NBAS: variants seen among roughly 807,000 people sequenced by gnomAD.
The protein encoded by NBAS is NAG/BC035112 fusion.
NBAS carries 219 observed loss-of-function variants against 302.5 expected under a neutral mutation model. The observed-to-expected ratio is 0.72, with a 90% confidence interval of 0.65 to 0.81. The LOEUF (loss-of-function observed/expected upper bound fraction) is 0.81. NBAS is among the 30% of genes least tolerant of loss of function. The probability of loss-of-function intolerance (pLI) is 0.00; values close to 1 mark genes in which losing one functional copy is unlikely to be tolerated. For synonymous variants in NBAS, 1,118 were observed against 1,021.6 expected (o/e 1.09, Z -1.80); for missense variants, 2,932 against 2,841.6 (o/e 1.03, Z -0.72).
the NBAS span, among the ~76,000 whole-genome samples, chr2:14,990,293 G>A: frequency 6.6e-6 from 1 of 150,830 alleles, no homozygotes; most frequent in Non-Finnish European, 1.5e-5. Flanking sequence ...GCATGGTGGT[G>A]CACGCCTGTA....
At chr2:15,305,554 C>T (rs757181066) in intron 40 of NBAS, among the ~76,000 whole-genome samples, 1 of 150,978 alleles carries the variant, frequency 6.6e-6, no homozygotes, top group Non-Finnish European at 1.5e-5. Context: ...CAGATTCAAG[C>T]GATTCGCCTG....
chr2:15,194,563 C>T (rs1388988868), intron 48 of NBAS, among the ~76,000 whole-genome samples: 1 of 152,104 alleles, frequency 6.6e-6, no homozygotes, highest in Non-Finnish European at 1.5e-5. Context: ...CAAAGTTCTT[C>T]TTTCTTAAAG....
chr2:15,467,735 C>T lies in NBAS; in HGVS notation c.1947G>A (p.Glu649=), dbSNP rs771166754. 2.1e-5 allele frequency: 34 copies of T among 1,607,550 alleles called. No homozygotes were observed. Among genetic ancestry groups the T allele is most frequent in the Non-Finnish European group, 2.9e-5 (34 of 1,174,476 alleles). The change falls in exon 18 of 52, where the codon GAG becomes GAA. Residue 649 remains glutamate (E), a synonymous_variant. Coordinates refer to ENST00000281513, the MANE Select transcript of NBAS (RefSeq NM_015909.4). ...CCTTTTCCTTTTTATTCTTGGCAGGCTCTTCATCAGGTGGTGAAAGCTCTT... is the reference window on the plus strand; with the variant it reads ...CCTTTTCCTTTTTATTCTTGGCAGGTTCTTCATCAGGTGGTGAAAGCTCTT... ...SYEELSPPDE[E]PAKNKKEKEL... is the part of the protein sequence containing the mutation.
At chr2:14,840,159 G>T in the NBAS span, among the ~76,000 whole-genome samples, 2 of 151,564 alleles carry the variant, frequency 1.3e-5, no homozygotes, top group African/African-American at 4.8e-5. Flanking sequence ...TTAATTAGAG[G>T]CTCTCAGAAG....
intron 21 of NBAS, among the ~76,000 whole-genome samples, chr2:15,443,452 AC>A (rs1406343373): frequency 4.6e-5 from 7 of 152,002 alleles, no homozygotes; most frequent in African/African-American, 1.7e-4. Context: ...AAATTCAACA[AC>A]CCTTCATGCT....
chr2:15,497,043 A>G (rs1681099308), intron 11 of NBAS, among the ~76,000 whole-genome samples: 1 of 151,676 alleles, frequency 6.6e-6, no homozygotes, highest in Admixed American at 6.6e-5. Flanking sequence ...TTCCCAATAG[A>G]AAAAAAATGG....
chr2:15,323,314 T>C (rs1403676977), intron 38 of NBAS, among the ~76,000 whole-genome samples: 1 of 151,956 alleles, frequency 6.6e-6, no homozygotes, highest in East Asian at 1.9e-4. Flanking sequence ...CCTCACAGCT[T>C]TGAGGAAAAA....
chr2:14,940,143 A>G, the NBAS span, among the ~76,000 whole-genome samples: 1 of 152,234 alleles, frequency 6.6e-6, no homozygotes, highest in East Asian at 1.9e-4. Flanking sequence ...TCAGTTTGGA[A>G]TCTCTGATCT....
intron 12 of NBAS, among the ~76,000 whole-genome samples, chr2:15,486,259 A>G (rs987345090): frequency 1.3e-5 from 2 of 152,150 alleles, no homozygotes; most frequent in African/African-American, 4.8e-5. Context: ...CCCAAAATCT[A>G]TTTTTCCAGT....
chr2:15,460,818 G>A (rs1294794679), intron 21 of NBAS, among the ~76,000 whole-genome samples: 2 of 152,180 alleles, frequency 1.3e-5, no homozygotes, highest in African/African-American at 4.8e-5. Flanking sequence ...GAGCAAAGGA[G>A]GATGCAGTAT....
Position 15,475,789 on chromosome 2 carries a change from T to G in NBAS, c.1239A>C (p.Ser413=). Residue 413 remains serine (S), a synonymous_variant, in exon 14 of 52, where the codon TCA becomes TCC. Transcript: ENST00000281513. Reference sequence around the variant, plus strand: ...GTAAATTCTTCAAAGTTTTCACAGATGAAACAGTTAAAGCACCAGAGCATC... The same window carrying G: ...GTAAATTCTTCAAAGTTTTCACAGAGGAAACAGTTAAAGCACCAGAGCATC... The part of the protein sequence containing the change: ...LARCSGALTV[S]SVKTLKNLLG... 6.2e-7 allele frequency: 1 copy of G among 1,614,094 alleles called. No individual in the cohort carries two copies. Among genetic ancestry groups the G allele is most frequent in the Non-Finnish European group, 8.5e-7 (1 of 1,179,978 alleles).
chr2:15,002,800 G>C, the NBAS span, among the ~76,000 whole-genome samples: 1 of 152,350 alleles, frequency 6.6e-6, no homozygotes, highest in African/African-American at 2.4e-5. Context: ...TCATTGCCCA[G>C]GGCCGGCAGG....
chr2:15,393,319 T>C (rs893793489), intron 28 of NBAS, among the ~76,000 whole-genome samples: 1 of 152,018 alleles, frequency 6.6e-6, no homozygotes, highest in African/African-American at 2.4e-5. Context: ...AAAGGACTTA[T>C]ATCTAGAATA....
At chr2:15,076,859 T>A in the NBAS span, among the ~76,000 whole-genome samples, 1 of 151,892 alleles carries the variant, frequency 6.6e-6, no homozygotes, top group Admixed American at 6.6e-5. Flanking sequence ...CAGCTCAGAG[T>A]TTTCAACTGG....
the NBAS span, among the ~76,000 whole-genome samples, chr2:15,119,458 A>C: frequency 6.6e-6 from 1 of 151,842 alleles, no homozygotes; most frequent in East Asian, 1.9e-4. Flanking sequence ...CTCCTGCCTC[A>C]GTCTCCTGAG....
chr2:14,819,189 A>T, the NBAS span, among the ~76,000 whole-genome samples: 22 of 152,354 alleles, frequency 1.4e-4, no homozygotes, highest in Non-Finnish European at 2.6e-4. Flanking sequence ...GATGCTATCT[A>T]AGTTCCTGGG....
At chr2:15,218,709 T>G in intron 48 of NBAS, 64 bp downstream of exon 48, 14 of 1,607,382 alleles carry the variant, frequency 8.7e-6, no homozygotes, top group Non-Finnish European at 1.1e-5. Flanking sequence ...ATTACAGGCG[T>G]GAGCAACCGC....
intron 35 of NBAS, among the ~76,000 whole-genome samples, chr2:15,336,905 G>C (rs1362476981): frequency 6.6e-6 from 1 of 152,074 alleles, no homozygotes; most frequent in Non-Finnish European, 1.5e-5. Context: ...ATATAAATAT[G>C]GTAAGAATTA....
At chr2:14,943,523 G>A in the NBAS span, among the ~76,000 whole-genome samples, 602 of 152,294 alleles carry the variant, frequency 4.0e-3, 2 homozygotes, top group Non-Finnish European at 6.1e-3. Flanking sequence ...ATATTTGGAA[G>A]AAAACATTCA....
Sources: gnomAD v4.1 joint callset for allele counts (sites outside exome capture counted in the v4.1 genomes callset) on GRCh38, gnomAD v4.1.1 for gene constraint, MANE v1.5 for transcripts, NCBI Gene and HGNC (gene_info 2026-07-23, HGNC 2026-07-21) for gene names.